Variants in NR3C1 observed in about 807,000 individuals in gnomAD.
NR3C1 encodes the protein glucocorticoid receptor.
In NR3C1, 14 loss-of-function variants were observed where a neutral mutation model predicts 74.0. That is an observed-to-expected ratio of 0.19 (90% CI 0.12 to 0.30). The LOEUF (loss-of-function observed/expected upper bound fraction) is 0.30, where lower values mean the gene tolerates loss of function less well. NR3C1 is among the 10% of genes least tolerant of loss of function. NR3C1 has a pLI of 1.00. For missense variants in NR3C1, 695 were observed against 909.8 expected (o/e 0.76, Z 3.04); for synonymous variants, 308 against 332.5 (o/e 0.93, Z 0.80).
intron 5 of NR3C1, among the ~76,000 whole-genome samples, chr5:143,299,159 T>A (rs2151551545): frequency 6.6e-6 from 1 of 151,798 alleles, no homozygotes; most frequent in South Asian, 2.1e-4. Context: ...GAATACAGAT[T>A]CATACCACCA....
At chr5:143,401,173 A>G (rs1840204665) in intron 1 of NR3C1, 1 of 327,778 alleles carries the variant, frequency 3.1e-6, no homozygotes, top group Admixed American at 4.3e-5. Flanking sequence ...ATTATAATTC[A>G]TTACATCTGA....
At chr5:143,316,049 T>A (rs950238464) in intron 2 of NR3C1, among the ~76,000 whole-genome samples, 1 of 152,226 alleles carries the variant, frequency 6.6e-6, no homozygotes, top group Non-Finnish European at 1.5e-5. Context: ...CCTGCTAGAT[T>A]TGGGCGAGTG....
chr5:143,309,213 A>G (rs547943061), intron 4 of NR3C1, among the ~76,000 whole-genome samples: 1 of 151,942 alleles, frequency 6.6e-6, no homozygotes, highest in East Asian at 1.9e-4. Flanking sequence ...AGCTGGGACT[A>G]CAGGTGACAC....
intron 2 of NR3C1, among the ~76,000 whole-genome samples, chr5:143,382,413 C>T (rs999764559): frequency 2.0e-5 from 3 of 152,158 alleles, no homozygotes; most frequent in South Asian, 2.1e-4. Flanking sequence ...TTATGAACAG[C>T]GTGTAGTATG....
chr5:143,403,255 C>A lies in NR3C1; in HGVS notation c.-58G>T, dbSNP rs61759015. On this transcript the variant is annotated 5_prime_UTR_variant, in exon 1 of 9. Coordinates refer to ENST00000394464, the MANE Select transcript of NR3C1 (RefSeq NM_000176.3). ...CGCCCGCCACCGTCCGCAGTTCCCG[C>A]CGCAGCCGAGATAAACAACTTAGCT... 100 of 985,600 alleles carry A rather than the reference C, an allele frequency of 1.0e-4. No homozygotes were observed. In the African/African-American group the frequency reaches 1.7e-3, roughly 17 times the overall value. The allele number at this position is 985,600 out of a possible 1,614,324, so 61.1% of individuals were successfully genotyped here.
rs1216336519 is a variant in NR3C1, at chr5:143,281,499, G to C, written c.*390C>G. On this transcript the variant is annotated 3_prime_UTR_variant, in exon 9 of 9. Coordinates refer to ENST00000394464, the MANE Select transcript of NR3C1 (RefSeq NM_000176.3). Reference sequence around the variant, plus strand: ...TATACAGGGGGGGGATACACCAACAGAAAGTCTAGAAAATTTCATCCAGCC... The same window carrying C: ...TATACAGGGGGGGGATACACCAACACAAAGTCTAGAAAATTTCATCCAGCC... The C allele has an allele frequency of 4.2e-6, 1 of 238,436 alleles. No homozygotes were observed. Among genetic ancestry groups the C allele is most frequent in the East Asian group, 1.1e-4 (1 of 9,100 alleles). 14.8% of individuals were successfully genotyped at this position (238,436 alleles called of 1,614,324 possible).
At chr5:143,295,033 C>G in intron 7 of NR3C1, 1 of 985,390 alleles carries the variant, frequency 1.0e-6, no homozygotes, top group Non-Finnish European at 1.2e-6. Context: ...TTAAGCACAC[C>G]TTTTCTAGGA....
chr5:143,413,378 A>G (rs1485219146), intron 1 of NR3C1, among the ~76,000 whole-genome samples: 3 of 152,052 alleles, frequency 2.0e-5, no homozygotes, highest in African/African-American at 4.8e-5. Context: ...CTTGTAGACA[A>G]CATTCATTAG....
intron 1 of NR3C1, among the ~76,000 whole-genome samples, chr5:143,423,889 T>A (rs1751369150): frequency 6.7e-6 from 1 of 149,276 alleles, no homozygotes; most frequent in East Asian, 2.0e-4. Context: ...TGCTCATATG[T>A]GGGAACTCAG....
At chr5:143,282,862 C>T in intron 7 of NR3C1, 137 bp from the exon 8 acceptor site, 1 of 857,438 alleles carries the variant, frequency 1.2e-6, no homozygotes, top group Non-Finnish European at 1.8e-6. Context: ...TCACTGGAGC[C>T]TTGACCTCCT....
intron 2 of NR3C1, among the ~76,000 whole-genome samples, chr5:143,346,299 C>A (rs1038291259): frequency 1.3e-5 from 2 of 152,308 alleles, no homozygotes; most frequent in Non-Finnish European, 2.9e-5. Context: ...ATGGTATCTG[C>A]CACTTAACAT....
At chr5:143,352,505 G>A (rs1294220059) in intron 2 of NR3C1, among the ~76,000 whole-genome samples, 2 of 151,492 alleles carry the variant, frequency 1.3e-5, no homozygotes, top group African/African-American at 4.9e-5. Context: ...CATATTCTAC[G>A]TTTTTTTTAT....
chr5:143,420,709 C>A (rs1031457486), intron 1 of NR3C1, among the ~76,000 whole-genome samples: 5 of 152,116 alleles, frequency 3.3e-5, no homozygotes, highest in Admixed American at 6.6e-5. Context: ...CAGCCCCCCA[C>A]AACAAAGAAT....
chr5:143,279,430 C>G lies in NR3C1; in HGVS notation c.*2459G>C. 2 of 1,510,206 alleles carry G rather than the reference C, an allele frequency of 1.3e-6. No individual in the cohort carries two copies. The highest frequency in any genetic ancestry group is 1.8e-6 in the Non-Finnish European group (2 of 1,134,244). 93.6% of individuals were successfully genotyped at this position (1,510,206 alleles called of 1,614,324 possible). ...TAACATTCTATAAAGGAATGATAATCTACGTTTTAGAAGCTCTTTTTGAAA... is the reference window on the plus strand; with the variant it reads ...TAACATTCTATAAAGGAATGATAATGTACGTTTTAGAAGCTCTTTTTGAAA... On this transcript the variant is annotated 3_prime_UTR_variant, in exon 9 of 9. Coordinates refer to ENST00000394464, the MANE Select transcript of NR3C1 (RefSeq NM_000176.3).
intron 2 of NR3C1, among the ~76,000 whole-genome samples, chr5:143,323,767 GGGCC>G (rs1823918402): frequency 1.3e-5 from 2 of 152,056 alleles, no homozygotes; most frequent in Admixed American, 1.3e-4. Context: ...CCAGATACAA[GGGCC>G]GGAGGGATGG....
chr5:143,350,152 G>A (rs759924205), intron 2 of NR3C1, among the ~76,000 whole-genome samples: 2 of 152,158 alleles, frequency 1.3e-5, no homozygotes, highest in Non-Finnish European at 2.9e-5. Context: ...ACTCAGGACA[G>A]TGAGAACCCT....
intron 2 of NR3C1, chr5:143,332,497 T>G: frequency 5.1e-6 from 3 of 582,580 alleles, no homozygotes; most frequent in Non-Finnish European, 8.9e-6. Context: ...CAAACCACCA[T>G]GGCCACATGT....
chr5:143,354,575 C>T (rs560612137), intron 2 of NR3C1, among the ~76,000 whole-genome samples: 12 of 152,146 alleles, frequency 7.9e-5, no homozygotes, highest in South Asian at 2.1e-4. Flanking sequence ...TCAGATCATG[C>T]GCAATATTTA....
intron 2 of NR3C1, among the ~76,000 whole-genome samples, chr5:143,324,597 TG>T (rs894716879): frequency 2.6e-5 from 4 of 152,210 alleles, no homozygotes; most frequent in Non-Finnish European, 5.9e-5. Flanking sequence ...CCCATGGTCT[TG>T]GGGATTAACA....
Sources: gnomAD v4.1 joint callset for allele counts (sites outside exome capture counted in the v4.1 genomes callset) on GRCh38, gnomAD v4.1.1 for gene constraint, MANE v1.5 for transcripts, NCBI Gene and HGNC (gene_info 2026-07-23, HGNC 2026-07-21) for gene names.